The following ALKBH1 variants were observed in gnomAD, a reference collection of about 807,000 sequenced individuals.
ALKBH1 encodes the protein nucleic acid dioxygenase ALKBH1.
Under a neutral mutation model 36.6 loss-of-function variants are expected in ALKBH1, and 31 were observed. The ratio of observed to expected loss-of-function variants is 0.85; its 90% CI spans 0.64 to 1.14. ALKBH1 has a LOEUF of 1.14. Ranked by LOEUF, ALKBH1 falls within the 50% of genes most tolerant of loss-of-function variation. ALKBH1 has a pLI of 0.00. For missense variants in ALKBH1, 490 were observed against 497.3 expected, an observed-to-expected ratio of 0.99 and a Z score of 0.14; for synonymous variants, 183 against 186.6, an observed-to-expected ratio of 0.98 and a Z score of 0.16.
In ALKBH1 at chr14:77,703,469, G is replaced by A. The variant is rs927356513; in HGVS notation, c.292+900C>T. On this transcript the variant is annotated intron_variant, in intron 2 of 5. Coordinates refer to ENST00000216489, the MANE Select transcript of ALKBH1 (RefSeq NM_006020.3). ...ACCATGCCCGGCTAATTTTGTTTTT[G>A]TATTTTCAGTAGAGATGGGGTTTCA... Among the ~76,000 whole-genome samples the A allele has an allele frequency of 2.6e-5, 4 of 151,028 alleles. No individual in the cohort carries two copies. The East Asian group carries it at 5.9e-4, about 22-fold the overall frequency.
intron 3 of ALKBH1, among the ~76,000 whole-genome samples, chr14:77,682,897 A>G (rs989379367): frequency 5.3e-5 from 8 of 152,162 alleles, no homozygotes; most frequent in Admixed American, 3.9e-4. Context: ...GGGTTTCACC[A>G]TGTTGGCTAG....
At chr14:77,692,162 C>A (rs184380828) in intron 3 of ALKBH1, among the ~76,000 whole-genome samples, 1 of 152,334 alleles carries the variant, frequency 6.6e-6, no homozygotes, top group Admixed American at 6.5e-5. Flanking sequence ...CTTTAAAGGA[C>A]TTCTCACGTA....
At chr14:77,700,961 G>A (rs1051417971) in intron 2 of ALKBH1, among the ~76,000 whole-genome samples, 9 of 152,072 alleles carry the variant, frequency 5.9e-5, no homozygotes, top group Admixed American at 4.6e-4. Flanking sequence ...TGGACATGGT[G>A]GTGCAAGCCA....
In ALKBH1 at chr14:77,674,168, T is replaced by C; in HGVS notation, c.814A>G (p.Ser272Gly). 2.5e-6 allele frequency: 4 copies of C among 1,614,204 alleles called. No homozygotes were observed. The highest frequency in any genetic ancestry group is 3.4e-6 in the Non-Finnish European group (4 of 1,180,034). Residue 272 changes from serine to glycine, a missense_variant, in exon 6 of 6, where the codon AGT (serine) becomes GGT (glycine). By Grantham distance (56) the Ser-to-Gly change is moderately conservative. Transcript: ENST00000216489. ...CCCGACATTATCATGATGTCACCAC[T>C]GTGCATAAACATGGCCGTGGGGGCC... ...DEAPTAMFMH[S>G]GDIMIMSGFS...
intron 3 of ALKBH1, among the ~76,000 whole-genome samples, chr14:77,689,225 G>A (rs1217492177): frequency 6.6e-6 from 1 of 152,022 alleles, no homozygotes; most frequent in African/African-American, 2.4e-5. Flanking sequence ...ACTTCTTCTG[G>A]GAAGTCTTTC....
intron 3 of ALKBH1, among the ~76,000 whole-genome samples, chr14:77,682,567 G>A (rs142687471): frequency 1.2e-4 from 18 of 152,268 alleles, no homozygotes; most frequent in African/African-American, 4.1e-4. Flanking sequence ...GAAGCTATGC[G>A]TTTTTGAGGA....
intron 4 of ALKBH1, among the ~76,000 whole-genome samples, chr14:77,676,851 T>C (rs148998334): frequency 2.8e-4 from 42 of 152,308 alleles, no homozygotes; most frequent in African/African-American, 9.6e-4. Flanking sequence ...AGTGGCAATT[T>C]GACTGGTCAA....
Position 77,679,950 on chromosome 14 carries a change from C to A in ALKBH1, c.476G>T (p.Arg159Leu). 6.2e-7 allele frequency: 1 copy of A among 1,613,950 alleles called. No homozygotes were observed. Among genetic ancestry groups the A allele is most frequent in the Non-Finnish European group, 8.5e-7 (1 of 1,179,884 alleles). The change falls in exon 4 of 6, where the codon CGG becomes CTG. Residue 159 changes from arginine to leucine, a missense_variant. Coordinates refer to ENST00000216489, the MANE Select transcript of ALKBH1 (RefSeq NM_006020.3). ...EFLRYKEATK[R>L]RPRSLLEKLR... is the part of the protein sequence containing the mutation. ...TTTCTCCAGTAAACTTCGGGGTCTC[C>A]GTTTAGTCGCTTCTTTATACCTGCA...
chr14:77,703,977 C>G (rs575972563), intron 2 of ALKBH1, among the ~76,000 whole-genome samples: 1 of 152,116 alleles, frequency 6.6e-6, no homozygotes, highest in Non-Finnish European at 1.5e-5. Flanking sequence ...GTTGTTATGC[C>G]ATTTGAGAAT....
rs2080202913 is a variant in ALKBH1, at chr14:77,675,905, A to G, written c.547-56T>C. ...TAAACAATGATCTCAGGAATACAGG[A>G]AACTATAAGATTAATTACCACTTTA... is the stretch of plus-strand genomic sequence containing the variant. On this transcript the variant is annotated intron_variant, in intron 4 of 5. Coordinates refer to ENST00000216489, the MANE Select transcript of ALKBH1 (RefSeq NM_006020.3). 3 of 1,410,478 alleles carry G rather than the reference A, an allele frequency of 2.1e-6. No individual in the cohort carries two copies. In the South Asian group the frequency reaches 3.6e-5, roughly 17 times the overall value. 87.4% of individuals were successfully genotyped at this position (1,410,478 alleles called of 1,614,324 possible).
Position 77,673,600 on chromosome 14 carries a change from G to C in ALKBH1, c.*212C>G. 1 of 573,978 alleles carries C rather than the reference G, an allele frequency of 1.7e-6. No homozygotes were observed. Among genetic ancestry groups the C allele is most frequent in the South Asian group, 2.2e-5 (1 of 46,166 alleles). The allele number at this position is 573,978 out of a possible 1,614,324, so 35.6% of individuals were successfully genotyped here. A position where few individuals can be genotyped will look rare whatever the true frequency, so the allele number is the denominator to read the frequency against. The stretch of plus-strand genomic sequence containing the variant: ...TCTCAACATACATTACAGCCAACAT[G>C]TAACTAGGAACAGACCATGTCAAAC... On this transcript the variant is annotated 3_prime_UTR_variant, in exon 6 of 6. Coordinates refer to ENST00000216489, the MANE Select transcript of ALKBH1 (RefSeq NM_006020.3).
chr14:77,689,539 A>C (rs531067132), intron 3 of ALKBH1, among the ~76,000 whole-genome samples: 13 of 152,340 alleles, frequency 8.5e-5, no homozygotes, highest in Non-Finnish European at 1.5e-4. Flanking sequence ...TTTAATTGAA[A>C]TAATATTTAC....
intron 2 of ALKBH1, among the ~76,000 whole-genome samples, chr14:77,700,143 C>G (rs985859608): frequency 3.9e-5 from 6 of 152,124 alleles, no homozygotes; most frequent in African/African-American, 9.7e-5. Context: ...GGTCCACTAT[C>G]AGAATTTCAA....
Position 77,676,350 on chromosome 14 carries a change from T to C in ALKBH1, c.547-501A>G, listed in dbSNP as rs554232554. Among the ~76,000 whole-genome samples, 253 of 152,224 alleles carry C rather than the reference T, an allele frequency of 1.7e-3. 1 individual carries two copies. Among genetic ancestry groups the C allele is most frequent in the African/African-American group, 5.8e-3 (241 of 41,538 alleles). ...CATTCAAAAACCCAAGTACCTGTTATATAACAGGCACTGTGCTATATACTG... is the reference window on the plus strand; with the variant it reads ...CATTCAAAAACCCAAGTACCTGTTACATAACAGGCACTGTGCTATATACTG... On this transcript the variant is annotated intron_variant, in intron 4 of 5. Transcript: ENST00000216489.
chr14:77,680,812 TGG>T (rs2080233744), intron 3 of ALKBH1, among the ~76,000 whole-genome samples: 1 of 151,704 alleles, frequency 6.6e-6, no homozygotes. Flanking sequence ...CCCAAGTAGC[TGG>T]GATTACAGGC....
chr14:77,703,074 A>G (rs1040363204), intron 2 of ALKBH1, among the ~76,000 whole-genome samples: 5 of 151,810 alleles, frequency 3.3e-5, no homozygotes, highest in Admixed American at 3.3e-4. Context: ...TGAACCTGGC[A>G]GGCGGAGGTT....
chr14:77,679,066 C>A (rs948569996), intron 4 of ALKBH1, among the ~76,000 whole-genome samples: 2 of 152,132 alleles, frequency 1.3e-5, no homozygotes, highest in African/African-American at 4.8e-5. Flanking sequence ...ATCTTCCCAC[C>A]TCAGCCACCC....
chr14:77,693,696 C>G (rs1388865443), intron 3 of ALKBH1, among the ~76,000 whole-genome samples: 1 of 151,998 alleles, frequency 6.6e-6, no homozygotes, highest in African/African-American at 2.4e-5. Flanking sequence ...ATAAAAAAAT[C>G]ATTTTTTCAG....
intron 2 of ALKBH1, among the ~76,000 whole-genome samples, 200 bp from the exon 3 acceptor site, chr14:77,695,100 T>C (rs1469000570): frequency 6.6e-6 from 1 of 152,226 alleles, no homozygotes; most frequent in Admixed American, 6.5e-5. Flanking sequence ...TTTCTGGGTA[T>C]TCTCAAGAGA....
Sources: gnomAD v4.1 joint callset for allele counts (sites outside exome capture counted in the v4.1 genomes callset) on GRCh38, gnomAD v4.1.1 for gene constraint, MANE v1.5 for transcripts, NCBI Gene and HGNC (gene_info 2026-07-23, HGNC 2026-07-21) for gene names.